The following ESRRB variants were observed in gnomAD, a reference collection of about 807,000 sequenced individuals.
ESRRB encodes the protein steroid hormone receptor ERR2.
A neutral mutation model predicts 46.0 loss-of-function variants in ESRRB; 16 were observed. The observed-to-expected ratio is 0.35, with a 90% CI of 0.24 to 0.53. The LOEUF is 0.53. Ranked by LOEUF, ESRRB falls within the 20% of genes least tolerant of loss-of-function variation. The pLI, the probability that ESRRB is intolerant of heterozygous loss-of-function variation, is 0.93. For synonymous variants in ESRRB, 246 were observed against 259.6 expected, an observed-to-expected ratio of 0.95 and a Z score of 0.50; for missense variants, 488 against 607.4, an observed-to-expected ratio of 0.80 and a Z score of 2.07.
intron 1 of ESRRB, among the ~76,000 whole-genome samples, chr14:76,429,849 A>ATG (rs58340334): frequency 0.099 from 14,874 of 150,240 alleles, 760 homozygotes; most frequent in Middle Eastern, 0.17. Flanking sequence ...TTTAAGTTTT[A>ATG]TGTGTGTGTG....
chr14:76,470,090 G>A (rs1386869189), intron 3 of ESRRB, among the ~76,000 whole-genome samples: 4 of 151,642 alleles, frequency 2.6e-5, no homozygotes, highest in African/African-American at 7.3e-5. Context: ...TGCTATTACA[G>A]GCATGCATCA....
At chr14:76,410,021 T>C (rs1886365670) in intron 1 of ESRRB, among the ~76,000 whole-genome samples, 1 of 152,008 alleles carries the variant, frequency 6.6e-6, no homozygotes. Flanking sequence ...GTCAGGAGTT[T>C]GAGACCACCC....
chr14:76,418,655 C>T (rs1255808518), intron 1 of ESRRB, among the ~76,000 whole-genome samples: 1 of 152,152 alleles, frequency 6.6e-6, no homozygotes, highest in African/African-American at 2.4e-5. Flanking sequence ...TGCTCTGTTG[C>T]CCAGGCTGGA....
chr14:76,436,723 G>C (rs1887690840), intron 1 of ESRRB, among the ~76,000 whole-genome samples: 1 of 152,158 alleles, frequency 6.6e-6, no homozygotes, highest in African/African-American at 2.4e-5. Context: ...TTGGGAAGAA[G>C]GTGTGTGGCA....
intron 1 of ESRRB, among the ~76,000 whole-genome samples, chr14:76,433,319 G>A (rs1195260696): frequency 3.3e-5 from 5 of 152,108 alleles, no homozygotes; most frequent in African/African-American, 4.8e-5. Context: ...ATTTAACATC[G>A]GGTAGCCATA....
At chr14:76,386,660 C>T (rs1219493259) in intron 1 of ESRRB, among the ~76,000 whole-genome samples, 4 of 152,038 alleles carry the variant, frequency 2.6e-5, no homozygotes, top group African/African-American at 9.6e-5. Flanking sequence ...CGGGGTTTCA[C>T]CATGTTGGCC....
At chr14:76,442,496 TA>T (rs1382569284) in intron 2 of ESRRB, among the ~76,000 whole-genome samples, 2 of 151,978 alleles carry the variant, frequency 1.3e-5, no homozygotes, top group Non-Finnish European at 2.9e-5. Flanking sequence ...AATAAAACTT[TA>T]AAAAATAAAA....
At position 76,482,547 on chromosome 14, in the gene ESRRB, G is replaced by A. The variant is rs1889849534; in HGVS notation, c.689-51G>A. The A allele has an allele frequency of 6.2e-7, 1 of 1,608,388 alleles. No individual in the cohort carries two copies. Among genetic ancestry groups the A allele is most frequent in the Non-Finnish European group, 8.5e-7 (1 of 1,175,386 alleles). On this transcript the variant is annotated intron_variant, in intron 4 of 6. Transcript: ENST00000644823. This position sits in a 1 kb window ranked among gnomAD's most constrained non-coding sequence, Gnocchi z 4.3. ...CTGACCCATCTGAGCCTCCACCCCGGCCCCTTTCCTCTTTTCCCAGCATTT... is the reference window on the plus strand; with the variant it reads ...CTGACCCATCTGAGCCTCCACCCCGACCCCTTTCCTCTTTTCCCAGCATTT...
chr14:76,335,779 CCT>C (rs1284399201), intron 1 of ESRRB, among the ~76,000 whole-genome samples: 1 of 152,132 alleles, frequency 6.6e-6, no homozygotes, highest in African/African-American at 2.4e-5. Context: ...TGGGCTGTCC[CCT>C]GTCCTGATTC....
intron 3 of ESRRB, among the ~76,000 whole-genome samples, chr14:76,471,076 C>G (rs1040564216): frequency 6.6e-6 from 1 of 152,206 alleles, no homozygotes; most frequent in Non-Finnish European, 1.5e-5. Context: ...TTGAACCATT[C>G]CTCCTTCTAT....
chr14:76,319,149 T>G (rs924234358), intron 1 of ESRRB, among the ~76,000 whole-genome samples: 5 of 152,240 alleles, frequency 3.3e-5, no homozygotes, highest in African/African-American at 1.2e-4. Flanking sequence ...CCATTTAACA[T>G]GGCTTGTCTT....
chr14:76,360,767 A>G (rs1472414125), intron 1 of ESRRB, among the ~76,000 whole-genome samples: 1 of 152,142 alleles, frequency 6.6e-6, no homozygotes, highest in African/African-American at 2.4e-5. Flanking sequence ...TGAATGTAAC[A>G]AGACTTAACA....
At chr14:76,438,960 A>G (rs916290085) in intron 1 of ESRRB, among the ~76,000 whole-genome samples, 17 of 129,386 alleles carry the variant, frequency 1.3e-4, no homozygotes, top group Non-Finnish European at 2.7e-4. Context: ...CCATCATGCC[A>G]GGCTAATTTT....
intron 1 of ESRRB, among the ~76,000 whole-genome samples, chr14:76,379,148 C>T (rs543539637): frequency 6.6e-6 from 1 of 152,300 alleles, no homozygotes; most frequent in South Asian, 2.1e-4. Context: ...TACCTTCCTA[C>T]CTTGCTCTCC....
In ESRRB at chr14:76,339,488, C is replaced by T. The variant is rs529625469; in HGVS notation, c.2+28572C>T. On this transcript the variant is annotated intron_variant, in intron 1 of 6. Coordinates refer to the ESRRB transcript ENST00000512784. ...CACCTCTTGGGGCCCCATGAGCTTC[C>T]GGGCTCCACCTCAGATGTGTGTATT... 6.6e-5 allele frequency among the ~76,000 whole-genome samples: 10 copies of T among 152,268 alleles called. No homozygotes were observed. In the South Asian group the frequency reaches 1.5e-3, roughly 22 times the overall value.
At chr14:76,496,826 C>T (rs578217961) in intron 6 of ESRRB, among the ~76,000 whole-genome samples, 1 of 152,178 alleles carries the variant, frequency 6.6e-6, no homozygotes, top group Non-Finnish European at 1.5e-5. Context: ...TGTGACCCCA[C>T]ACCATGGCCC....
chr14:76,342,561 A>C (rs1359736813), intron 1 of ESRRB, among the ~76,000 whole-genome samples: 1 of 152,232 alleles, frequency 6.6e-6, no homozygotes, highest in East Asian at 1.9e-4. Context: ...GAGGAGCCTG[A>C]AGCTCAGACA....
intron 1 of ESRRB, among the ~76,000 whole-genome samples, chr14:76,311,803 G>C (rs1249456821): frequency 2.0e-5 from 3 of 152,166 alleles, no homozygotes; most frequent in Non-Finnish European, 2.9e-5. Flanking sequence ...GGCGGCTCTA[G>C]ATGGGGCCTT....
At chr14:76,378,188 C>G (rs1409757939) in intron 1 of ESRRB, among the ~76,000 whole-genome samples, 1 of 152,132 alleles carries the variant, frequency 6.6e-6, no homozygotes, top group Non-Finnish European at 1.5e-5. Context: ...GCACGAAATA[C>G]TTATGTATTT....
Sources: allele counts gnomAD v4.1 joint callset (sites outside exome capture counted in the v4.1 genomes callset), GRCh38; gene constraint gnomAD v4.1.1; non-coding constraint Gnocchi (gnomAD v3.1); transcripts MANE v1.5; gene names NCBI Gene and HGNC (gene_info 2026-07-23, HGNC 2026-07-21).